Variants in SYNE1 observed in about 807,000 individuals in gnomAD.
SYNE1 encodes the protein nesprin-1.
A neutral mutation model predicts 1,111.0 loss-of-function variants in SYNE1; 616 were observed. That is an observed-to-expected ratio of 0.55 (90% CI 0.52 to 0.59). The LOEUF (loss-of-function observed/expected upper bound fraction) is 0.59. Ranked by LOEUF, SYNE1 falls within the 20% of genes least tolerant of loss-of-function variation. SYNE1 has a pLI of 0.00. For synonymous variants in SYNE1, 3,855 were observed against 3,825.8 expected, an observed-to-expected ratio of 1.01 and a Z score of -0.28; for missense variants, 10,006 against 10,417.0, an observed-to-expected ratio of 0.96 and a Z score of 1.72.
intron 124 of SYNE1, among the ~76,000 whole-genome samples, chr6:152,208,890 T>C (rs1414765599): frequency 2.0e-5 from 3 of 152,228 alleles, no homozygotes; most frequent in African/African-American, 7.2e-5. Context: ...TTAGAAATAA[T>C]AAATTTTACT....
chr6:152,321,499 A>G, intron 83 of SYNE1, 109 bp from the exon 84 acceptor site: 1 of 1,372,484 alleles, frequency 7.3e-7, no homozygotes, highest in Non-Finnish European at 9.9e-7. Context: ...AATTAGAAAA[A>G]TATCTTAATA....
At chr6:152,388,347 A>G (rs1286424794) in intron 53 of SYNE1, among the ~76,000 whole-genome samples, 7 of 152,028 alleles carry the variant, frequency 4.6e-5, no homozygotes, top group African/African-American at 1.4e-4. Flanking sequence ...TCCTCTGATC[A>G]GGTGATCCTC....
chr6:152,154,769 C>A, intron 133 of SYNE1, 123 bp downstream of exon 133: 2 of 1,102,280 alleles, frequency 1.8e-6, no homozygotes, highest in East Asian at 4.7e-5. Context: ...GCTGCAAAGT[C>A]CTCACGCAGC....
chr6:152,204,225 C>T (rs755089411), intron 126 of SYNE1, among the ~76,000 whole-genome samples: 3 of 151,800 alleles, frequency 2.0e-5, no homozygotes, highest in African/African-American at 2.4e-5. Context: ...ATTAGCCAGG[C>T]GTGGTGGCGT....
chr6:152,231,333 G>T, intron 114 of SYNE1, 58 bp downstream of exon 114: 1 of 1,584,932 alleles, frequency 6.3e-7, no homozygotes. Flanking sequence ...TCCTTACAGA[G>T]TGTGCCTGTT....
chr6:152,346,758 C>A (rs1303883438), intron 73 of SYNE1, among the ~76,000 whole-genome samples: 2 of 151,976 alleles, frequency 1.3e-5, no homozygotes, highest in Admixed American at 6.6e-5. Flanking sequence ...TGCAGTGAGC[C>A]GAGATCGCGC....
At chr6:152,328,971 A>C (rs1222747235) in intron 78 of SYNE1, among the ~76,000 whole-genome samples, 2 of 152,202 alleles carry the variant, frequency 1.3e-5, no homozygotes, top group Non-Finnish European at 2.9e-5. Context: ...TCAGGGCTGC[A>C]TTGTCTGCCT....
At chr6:152,365,092 C>T in intron 62 of SYNE1, 73 bp from the exon 63 acceptor site, 2 of 1,572,708 alleles carry the variant, frequency 1.3e-6, no homozygotes, top group East Asian at 2.2e-5. Flanking sequence ...TTGCAGAGCT[C>T]CTAAAGATCA....
At chr6:152,276,005 T>C (rs1271591757) in intron 98 of SYNE1, among the ~76,000 whole-genome samples, 1 of 151,198 alleles carries the variant, frequency 6.6e-6, no homozygotes, top group Non-Finnish European at 1.5e-5. Flanking sequence ...TTTTTGTCTA[T>C]GTAAAAACTA....
rs1479039459 is a variant in SYNE1 at position 152,362,331 on chromosome 6, G to C, written c.10146-8C>G. ...AGAGCTCCTTCGAGTTGGCTGAAAG[G>C]GATTTGAAAGGACAATAAATCCACA... On this transcript the variant is annotated splice_polypyrimidine_tract_variant and splice_region_variant and intron_variant, in intron 63 of 145. Coordinates refer to ENST00000367255, the MANE Select transcript of SYNE1 (RefSeq NM_182961.4). The C allele has an allele frequency of 1.9e-6, 3 of 1,614,018 alleles. No individual in the cohort carries two copies. In the South Asian group the frequency reaches 3.3e-5, roughly 18 times the overall value.
In SYNE1 at chr6:152,211,181, C is replaced by T. The variant is rs887699193; in HGVS notation, c.22589+313G>A. 4.6e-5 allele frequency among the ~76,000 whole-genome samples: 7 copies of T among 152,166 alleles called. No homozygotes were observed. The East Asian group carries it at 7.7e-4, about 17-fold the overall frequency. ...ATATTAGAAGCATCTGTTTACAAAC[C>T]GTTGATAGGTCATTGATATGGTTCA... On this transcript the variant is annotated intron_variant, in intron 124 of 145. Coordinates refer to ENST00000367255, the MANE Select transcript of SYNE1 (RefSeq NM_182961.4).
intron 3 of SYNE1, among the ~76,000 whole-genome samples, chr6:152,577,852 T>C (rs889171426): frequency 5.3e-5 from 8 of 152,086 alleles, no homozygotes; most frequent in African/African-American, 1.9e-4. Flanking sequence ...TACTATACCT[T>C]GCCTACTTGC....
Position 152,390,424 on chromosome 6 carries a change from T to C in SYNE1, c.8033A>G (p.Glu2678Gly), listed in dbSNP as rs2097591446. ...QDILLMKGEGEVKLNMAIGKG... is the reference protein window; with the variant it reads ...QDILLMKGEGGVKLNMAIGKG... ...GCCAATGGCCATATTCAACTTAACT[T>C]CCCCTTCACCTTTCATCAGGAGAAT... is the stretch of plus-strand genomic sequence containing the variant. Residue 2678 changes from glutamate (E) to glycine (G), a missense_variant, in exon 53 of 146, where the codon GAA becomes GGA. Around this residue, in one of 7 missense-constraint regions of SYNE1, gnomAD observed 4,955 missense variants for 5,017.2 expected, o/e 0.99. Transcript: ENST00000367255. The C allele has an allele frequency of 6.2e-7, 1 of 1,613,902 alleles. No individual in the cohort carries two copies. Among genetic ancestry groups the C allele is most frequent in the African/African-American group, 1.3e-5 (1 of 74,960 alleles).
intron 128 of SYNE1, among the ~76,000 whole-genome samples, chr6:152,182,829 G>T (rs1193199747): frequency 6.6e-6 from 1 of 152,164 alleles, no homozygotes; most frequent in African/African-American, 2.4e-5. Flanking sequence ...GCCACCATGA[G>T]AAATTTATTC....
chr6:152,373,413 G>A (rs1282058368), intron 58 of SYNE1, among the ~76,000 whole-genome samples, 194 bp from the exon 59 acceptor site: 1 of 151,852 alleles, frequency 6.6e-6, no homozygotes, highest in Non-Finnish European at 1.5e-5. Context: ...CCAAGTAGCT[G>A]GGACTACAGG....
At chr6:152,166,858 C>A (rs1038156561) in intron 130 of SYNE1, among the ~76,000 whole-genome samples, 1 of 152,104 alleles carries the variant, frequency 6.6e-6, no homozygotes, top group African/African-American at 2.4e-5. Flanking sequence ...GATTAATAAG[C>A]CTTGGCTTAT....
chr6:152,465,345 C>A lies in SYNE1; in HGVS notation c.1845G>T (p.Trp615Cys), dbSNP rs1406559152. 6.2e-7 allele frequency: 1 copy of A among 1,613,792 alleles called. No homozygotes were observed. Residue 615 changes from tryptophan (W) to cysteine (C), a missense_variant, in exon 18 of 146, where the codon TGG (tryptophan) becomes TGT (cysteine). Trp to Cys is a radical substitution (Grantham distance 215). Around this residue, in one of 7 missense-constraint regions of SYNE1, gnomAD observed 1,971 missense variants for 2,084.1 expected, o/e 0.95. Transcript: ENST00000367255. ...TAGCCACTGTATTGCCATAGCGATC[C>A]CAGTTAGAGATCACTTCTTCCAGCA... Reference protein sequence around the residue: ...RSMLEEVISNWDRYGNTVASL... With the variant: ...RSMLEEVISNCDRYGNTVASL...
intron 97 of SYNE1, 88 bp downstream of exon 97, chr6:152,281,718 CA>C: frequency 7.1e-7 from 1 of 1,404,526 alleles, no homozygotes; most frequent in Non-Finnish European, 1.0e-6. Flanking sequence ...ATCATATATC[CA>C]CACCAAGCCT....
rs1038370966 is a variant in SYNE1 at position 152,394,118 on chromosome 6, T to C, written c.7712+1398A>G. ...TGTATTAGTTTGCTGAGAATGATGGTTTCCAGCTTCATCTATGTCCCTGCA... is the reference window on the plus strand; with the variant it reads ...TGTATTAGTTTGCTGAGAATGATGGCTTCCAGCTTCATCTATGTCCCTGCA... On this transcript the variant is annotated intron_variant, in intron 51 of 145. Coordinates refer to ENST00000367255, the MANE Select transcript of SYNE1 (RefSeq NM_182961.4). Among the ~76,000 whole-genome samples, 10 of 152,200 alleles carry C rather than the reference T, an allele frequency of 6.6e-5. No individual in the cohort carries two copies. The East Asian group carries it at 9.6e-4, about 15-fold the overall frequency.
Sources: gnomAD v4.1 joint callset for allele counts (sites outside exome capture counted in the v4.1 genomes callset) on GRCh38, gnomAD v4.1.1 for gene constraint, gnomAD v4.1.1 regional missense constraint, MANE v1.5 for transcripts, NCBI Gene and HGNC (gene_info 2026-07-23, HGNC 2026-07-21) for gene names.